NRG1: variants seen among roughly 807,000 people sequenced by gnomAD.
NRG1 encodes the protein pro-neuregulin-1, membrane-bound isoform.
A neutral mutation model predicts 63.8 loss-of-function variants in NRG1; 18 were observed. The observed-to-expected ratio is 0.28, with a 90% CI of 0.19 to 0.42. The LOEUF is 0.42. NRG1 is among the 10% of genes least tolerant of loss of function. The pLI, the probability that NRG1 is intolerant of heterozygous loss-of-function variation, is 1.00. For missense variants in NRG1, 762 were observed against 814.7 expected (o/e 0.94, Z 0.79); for synonymous variants, 302 against 301.3 (o/e 1.00, Z -0.02).
chr8:31,665,784 G>A (rs559725979), intron 1 of NRG1, among the ~76,000 whole-genome samples: 1 of 152,124 alleles, frequency 6.6e-6, no homozygotes, highest in Non-Finnish European at 1.5e-5. Flanking sequence ...TAATGAAATG[G>A]TGCGATATGA....
chr8:32,073,594 T>C (rs1416829071), intron 1 of NRG1, among the ~76,000 whole-genome samples: 1 of 152,190 alleles, frequency 6.6e-6, no homozygotes. Context: ...ATACCACCGT[T>C]GTTTTACAGA....
At chr8:31,964,925 G>C (rs1806068251) in intron 1 of NRG1, among the ~76,000 whole-genome samples, 2 of 152,168 alleles carry the variant, frequency 1.3e-5, no homozygotes, top group African/African-American at 2.4e-5. Context: ...GGTCATGAAA[G>C]CTCTCTTTAT....
chr8:31,992,979 A>G (rs1811344631), intron 1 of NRG1, among the ~76,000 whole-genome samples: 1 of 152,060 alleles, frequency 6.6e-6, no homozygotes, highest in Admixed American at 6.6e-5. Flanking sequence ...ACAATTAGTC[A>G]GCTAACAAAT....
intron 1 of NRG1, among the ~76,000 whole-genome samples, chr8:32,279,893 C>T (rs897961246): frequency 1.3e-5 from 2 of 152,170 alleles, no homozygotes; most frequent in Non-Finnish European, 2.9e-5. Flanking sequence ...GCCAAGTCTC[C>T]ACTCAGGCAC....
intron 1 of NRG1, among the ~76,000 whole-genome samples, chr8:32,028,701 T>C (rs1358342590): frequency 1.3e-5 from 2 of 152,186 alleles, no homozygotes; most frequent in Non-Finnish European, 2.9e-5. Flanking sequence ...TAATTAATGA[T>C]TTCATTCACT....
At position 32,141,700 on chromosome 8, in the gene NRG1, C is replaced by T. The variant is rs547133920; in HGVS notation, c.38-454128C>T. Among the ~76,000 whole-genome samples, 4 of 147,194 alleles carry T rather than the reference C, an allele frequency of 2.7e-5. No homozygotes were observed. The Admixed American group carries it at 2.7e-4, about 10-fold the overall frequency. On this transcript the variant is annotated intron_variant, in intron 1 of 10. Coordinates refer to the NRG1 transcript ENST00000519301. ...CAACTTTTCACTAATATCTGAATAA[C>T]ATTTGAAAAATTGACAACTCTTCTG...
intron 1 of NRG1, among the ~76,000 whole-genome samples, chr8:31,909,177 G>A (rs534212883): frequency 1.3e-5 from 2 of 152,018 alleles, no homozygotes; most frequent in Non-Finnish European, 2.9e-5. Context: ...AAGAAAATAG[G>A]CTCCATTTTC....
At chr8:32,609,502 G>A (rs1013859601) in intron 3 of NRG1, among the ~76,000 whole-genome samples, 1 of 151,424 alleles carries the variant, frequency 6.6e-6, no homozygotes, top group South Asian at 2.1e-4. Context: ...GATATTTACC[G>A]TTGACTTGGG....
At chr8:31,776,037 T>C (rs10503888) in intron 1 of NRG1, among the ~76,000 whole-genome samples, 6,583 of 152,268 alleles carry the variant, frequency 0.043, 171 homozygotes, top group Middle Eastern at 0.085. Flanking sequence ...GAGCACTAAA[T>C]GAATAGTAGA....
At chr8:32,364,499 A>T (rs1398777960) in intron 1 of NRG1, among the ~76,000 whole-genome samples, 1 of 152,072 alleles carries the variant, frequency 6.6e-6, no homozygotes, top group Non-Finnish European at 1.5e-5. Context: ...TATATAGATA[A>T]TTTTTCATGA....
chr8:32,342,579 CAATGCTGTATTGTCTCTCCAGAAA>C (rs535885800), intron 1 of NRG1, among the ~76,000 whole-genome samples: 8 of 152,216 alleles, frequency 5.3e-5, no homozygotes, highest in African/African-American at 1.9e-4. Flanking sequence ...TTCTTAATGC[CAATGCTGTATTGTCTCTCCAGAAA>C]AGACCACTCT....
At chr8:32,712,826 C>G (rs1335479378) in intron 5 of NRG1, among the ~76,000 whole-genome samples, 1 of 152,118 alleles carries the variant, frequency 6.6e-6, no homozygotes, top group African/African-American at 2.4e-5. Context: ...TAGTGGTTCT[C>G]TGATCTAAGC....
intron 1 of NRG1, among the ~76,000 whole-genome samples, chr8:32,370,535 A>G (rs1808672742): frequency 6.6e-6 from 1 of 152,118 alleles, no homozygotes; most frequent in African/African-American, 2.4e-5. Context: ...GCTATATACT[A>G]CTTTCATTAT....
At chr8:32,208,566 T>C (rs1844323233) in intron 1 of NRG1, among the ~76,000 whole-genome samples, 1 of 152,150 alleles carries the variant, frequency 6.6e-6, no homozygotes, top group African/African-American at 2.4e-5. Context: ...CCAAGTGTTT[T>C]AATTTTTAAA....
intron 1 of NRG1, among the ~76,000 whole-genome samples, chr8:32,216,407 A>T (rs1424281075): frequency 6.7e-6 from 1 of 148,656 alleles, no homozygotes; most frequent in Admixed American, 6.8e-5. Context: ...CAGAGTATTT[A>T]TATTATATAT....
At chr8:32,008,744 A>G (rs972428341) in intron 1 of NRG1, among the ~76,000 whole-genome samples, 1 of 152,086 alleles carries the variant, frequency 6.6e-6, no homozygotes, top group Non-Finnish European at 1.5e-5. Flanking sequence ...ACCCTCTGCT[A>G]GTTTTCTGAA....
At chr8:32,140,374 A>T (rs1288453628) in intron 1 of NRG1, among the ~76,000 whole-genome samples, 2 of 151,956 alleles carry the variant, frequency 1.3e-5, no homozygotes, top group Non-Finnish European at 2.9e-5. Flanking sequence ...CCTTTCAGTC[A>T]GGTAGATAGT....
intron 1 of NRG1, among the ~76,000 whole-genome samples, chr8:31,717,015 C>A (rs1057049949): frequency 3.9e-5 from 6 of 152,166 alleles, no homozygotes; most frequent in Non-Finnish European, 7.3e-5. Flanking sequence ...AAAGTCACAA[C>A]CAACTTTTTC....
At chr8:32,669,303 T>C (rs879139690) in intron 5 of NRG1, among the ~76,000 whole-genome samples, 1 of 152,238 alleles carries the variant, frequency 6.6e-6, no homozygotes, top group Admixed American at 6.5e-5. Context: ...TCACTCTTGA[T>C]GTATCAGGTG....
Sources: allele counts gnomAD v4.1 joint callset (sites outside exome capture counted in the v4.1 genomes callset), GRCh38; gene constraint gnomAD v4.1.1; transcripts MANE v1.5; gene names NCBI Gene and HGNC (gene_info 2026-07-23, HGNC 2026-07-21).